The following NFAT5 variants were observed in gnomAD, a reference collection of about 807,000 sequenced individuals.
NFAT5 encodes the protein nuclear factor of activated T-cells 5.
Under a neutral mutation model 166.5 loss-of-function variants are expected in NFAT5, and 31 were observed. That is an observed-to-expected ratio of 0.19 (90% confidence interval 0.14 to 0.25). The LOEUF (loss-of-function observed/expected upper bound fraction) is 0.25. NFAT5 is among the 10% of genes least tolerant of loss of function. The pLI is 1.00. For missense variants in NFAT5, 1,449 were observed against 1,821.8 expected, an observed-to-expected ratio of 0.80 and a Z score of 3.72; for synonymous variants, 612 against 639.7, an observed-to-expected ratio of 0.96 and a Z score of 0.65.
intron 2 of NFAT5, among the ~76,000 whole-genome samples, chr16:69,578,870 T>C (rs1047921890): frequency 2.0e-5 from 3 of 152,006 alleles, no homozygotes; most frequent in African/African-American, 7.2e-5. Context: ...AAGTTGCATC[T>C]GAATAAGTTT....
chr16:69,682,680 AT>A lies in NFAT5; in HGVS notation c.1691-2200del, dbSNP rs1441764429. Among the ~76,000 whole-genome samples, 13 of 152,232 alleles carry A rather than the reference AT, an allele frequency of 8.5e-5. 1 individual carries two copies. The highest frequency in any genetic ancestry group is 6.5e-4 in the Admixed American group (10 of 15,290). ...ACATGATTTATAAGTAGAAATTTAA[AT>A]TTTTTTCAAGGATTAGCTTATATTT... On this transcript the variant is annotated intron_variant, in intron 10 of 14. Coordinates refer to ENST00000349945, the MANE Select transcript of NFAT5 (RefSeq NM_138713.4).
intron 7 of NFAT5, among the ~76,000 whole-genome samples, chr16:69,660,832 T>C (rs1411339560): frequency 6.6e-6 from 1 of 151,656 alleles, no homozygotes; most frequent in Non-Finnish European, 1.5e-5. Flanking sequence ...TTTTTTGAGA[T>C]GGAGTTTCGC....
intron 2 of NFAT5, among the ~76,000 whole-genome samples, chr16:69,577,762 G>T (rs2016840307): frequency 6.6e-6 from 1 of 152,114 alleles, no homozygotes; most frequent in African/African-American, 2.4e-5. Context: ...CATTTAAAAT[G>T]GGTGCATTTC....
chr16:69,688,927 G>C (rs1158773239), intron 11 of NFAT5, among the ~76,000 whole-genome samples: 1 of 152,180 alleles, frequency 6.6e-6, no homozygotes, highest in Admixed American at 6.5e-5. Context: ...GATATTCTTA[G>C]ATTACTTTTA....
intron 6 of NFAT5, among the ~76,000 whole-genome samples, chr16:69,658,995 A>G (rs1293320964): frequency 6.6e-6 from 1 of 152,188 alleles, no homozygotes; most frequent in Non-Finnish European, 1.5e-5. Context: ...CATATCATTC[A>G]ATGTGGTAAC....
chr16:69,648,513 A>G (rs1388432281), intron 4 of NFAT5: 1 of 985,126 alleles, frequency 1.0e-6, no homozygotes, highest in Non-Finnish European at 1.2e-6. Context: ...GGGTGATGAA[A>G]CAGGATCATG....
chr16:69,585,628 A>G (rs1202753103), intron 2 of NFAT5, among the ~76,000 whole-genome samples: 1 of 152,226 alleles, frequency 6.6e-6, no homozygotes, highest in Non-Finnish European at 1.5e-5. Flanking sequence ...ATATAAGTAC[A>G]AGGGAATATT....
At chr16:69,577,441 A>T (rs1361271054) in intron 2 of NFAT5, among the ~76,000 whole-genome samples, 3 of 152,224 alleles carry the variant, frequency 2.0e-5, no homozygotes, top group Non-Finnish European at 4.4e-5. Flanking sequence ...ATAATATAGG[A>T]ATCTATAAAA....
chr16:69,695,586 G>A (rs1316944166), intron 14 of NFAT5: 1 of 473,836 alleles, frequency 2.1e-6, no homozygotes, highest in South Asian at 2.7e-5. Flanking sequence ...GCTCATGCCT[G>A]TAATCCCAGC....
At chr16:69,680,210 C>T (rs1023762628) in intron 10 of NFAT5, among the ~76,000 whole-genome samples, 27 of 152,128 alleles carry the variant, frequency 1.8e-4, no homozygotes, top group African/African-American at 6.5e-4. Context: ...CAGGAGCTTG[C>T]ACAAACATGA....
At chr16:69,621,116 G>T (rs1257382532) in intron 2 of NFAT5, among the ~76,000 whole-genome samples, 1 of 152,060 alleles carries the variant, frequency 6.6e-6, no homozygotes, top group Non-Finnish European at 1.5e-5. Context: ...AAATTAGTTT[G>T]CAGCTTGGCC....
intron 3 of NFAT5, among the ~76,000 whole-genome samples, chr16:69,630,918 A>C (rs1195136189): frequency 2.6e-5 from 4 of 152,202 alleles, no homozygotes; most frequent in Admixed American, 2.6e-4. Context: ...TTACAGTTTT[A>C]ATCATTAAAT....
rs573304854 is a variant in NFAT5, at chr16:69,628,480, A to C, written c.253+1952A>C. 8.5e-5 allele frequency among the ~76,000 whole-genome samples: 13 copies of C among 152,310 alleles called. No individual in the cohort carries two copies. In the East Asian group the frequency reaches 2.5e-3, roughly 29 times the overall value. On this transcript the variant is annotated intron_variant, in intron 3 of 14. Transcript: ENST00000349945. ...CAAGTCATTTAAAATCTTTTTCAAA[A>C]TATAAATTTAGCAACCAATGTAGAT...
At chr16:69,625,808 TG>T (rs1471949498) in intron 2 of NFAT5, among the ~76,000 whole-genome samples, 1 of 152,048 alleles carries the variant, frequency 6.6e-6, no homozygotes, top group Non-Finnish European at 1.5e-5. Flanking sequence ...TCTTCCATTC[TG>T]TCTAGTTTTA....
intron 2 of NFAT5, among the ~76,000 whole-genome samples, chr16:69,615,820 C>A (rs1178932470): frequency 1.3e-5 from 2 of 152,108 alleles, no homozygotes; most frequent in African/African-American, 4.8e-5. Context: ...CTACTGCCTC[C>A]TGCTTTCTGA....
At chr16:69,594,991 C>T (rs1341067214) in intron 2 of NFAT5, among the ~76,000 whole-genome samples, 4 of 152,120 alleles carry the variant, frequency 2.6e-5, no homozygotes, top group African/African-American at 7.2e-5. Flanking sequence ...CGTTCTTCTG[C>T]CTGCTTTTAT....
intron 2 of NFAT5, among the ~76,000 whole-genome samples, chr16:69,573,328 G>A (rs2016549539): frequency 6.6e-6 from 1 of 151,952 alleles, no homozygotes; most frequent in African/African-American, 2.4e-5. Flanking sequence ...TAGTAGCAAT[G>A]TTTTATTGAC....
At chr16:69,639,694 T>C (rs2035119061) in intron 3 of NFAT5, among the ~76,000 whole-genome samples, 1 of 152,110 alleles carries the variant, frequency 6.6e-6, no homozygotes, top group East Asian at 1.9e-4. Context: ...GTCTGAAAAA[T>C]GGAAAGGTTA....
Position 69,593,447 on chromosome 16 carries a change from A to G in NFAT5, c.127+24899A>G, listed in dbSNP as rs550490275. Among the ~76,000 whole-genome samples, 143 of 151,596 alleles carry G rather than the reference A, an allele frequency of 9.4e-4. 1 individual carries two copies. Among genetic ancestry groups the G allele is most frequent in the Middle Eastern group, 3.4e-3 (1 of 290 alleles). ...CACCTCAGCCTTCCAAGTTGCTGGG[A>G]CCACAGGTGTGCACCACCAGGCCCA... is the stretch of plus-strand genomic sequence containing the variant. On this transcript the variant is annotated intron_variant, in intron 2 of 14. Coordinates refer to ENST00000349945, the MANE Select transcript of NFAT5 (RefSeq NM_138713.4).
Sources: allele counts gnomAD v4.1 joint callset (sites outside exome capture counted in the v4.1 genomes callset), GRCh38; gene constraint gnomAD v4.1.1; transcripts MANE v1.5; gene names NCBI Gene and HGNC (gene_info 2026-07-23, HGNC 2026-07-21).